TANGO6: variants seen among roughly 807,000 people sequenced by gnomAD.
The protein encoded by TANGO6 is transport and Golgi organization protein 6 homolog.
A neutral mutation model predicts 114.2 loss-of-function variants in TANGO6; 90 were observed. The ratio of observed to expected loss-of-function variants is 0.79; its 90% CI spans 0.66 to 0.94. The LOEUF is 0.94. Ranked by LOEUF, TANGO6 falls within the 40% of genes least tolerant of loss-of-function variation. The pLI is 0.00. For synonymous variants in TANGO6, 477 were observed against 509.8 expected, an observed-to-expected ratio of 0.94 and a Z score of 0.87; for missense variants, 1,274 against 1,315.3, an observed-to-expected ratio of 0.97 and a Z score of 0.49.
At chr16:69,064,895 G>T (rs1960189969) in intron 17 of TANGO6, among the ~76,000 whole-genome samples, 1 of 152,166 alleles carries the variant, frequency 6.6e-6, no homozygotes, top group South Asian at 2.1e-4. Flanking sequence ...GGAAATAGAA[G>T]TGTGGTGCCC....
intron 4 of TANGO6, among the ~76,000 whole-genome samples, chr16:68,869,571 A>G (rs1369459176): frequency 6.6e-6 from 1 of 152,006 alleles, no homozygotes; most frequent in Non-Finnish European, 1.5e-5. Flanking sequence ...GCTTTACTCA[A>G]TCCTGGTTAC....
At chr16:68,850,521 T>G (rs1023589190) in intron 1 of TANGO6, among the ~76,000 whole-genome samples, 13 of 152,210 alleles carry the variant, frequency 8.5e-5, no homozygotes, top group Non-Finnish European at 1.9e-4. Flanking sequence ...GGTTTTTGTT[T>G]GGTTTTTGTT....
At chr16:69,006,682 C>T (rs1300323456) in intron 15 of TANGO6, among the ~76,000 whole-genome samples, 16 of 152,118 alleles carry the variant, frequency 1.1e-4, no homozygotes, top group African/African-American at 2.9e-4. Flanking sequence ...ACCTGGAAGG[C>T]GGTGGTTGCA....
chr16:68,976,870 ATATCAGCAC>A (rs1963769796), intron 15 of TANGO6, among the ~76,000 whole-genome samples: 1 of 152,176 alleles, frequency 6.6e-6, no homozygotes, highest in African/African-American at 2.4e-5. Flanking sequence ...TCTTTAAGTT[ATATCAGCAC>A]TTCTTAGGTA....
At chr16:69,074,305 G>A (rs1040971076) in intron 17 of TANGO6, among the ~76,000 whole-genome samples, 34 of 151,742 alleles carry the variant, frequency 2.2e-4, no homozygotes, top group African/African-American at 8.2e-4. Context: ...TACAGAAAAG[G>A]AGTCCCGATC....
In TANGO6 at chr16:68,969,901, G is replaced by T. The variant is rs539547987; in HGVS notation, c.2702-4127G>T. Among the ~76,000 whole-genome samples the T allele has an allele frequency of 3.3e-5, 5 of 152,226 alleles. No individual in the cohort carries two copies. In the East Asian group the frequency reaches 9.7e-4, roughly 29 times the overall value. On this transcript the variant is annotated intron_variant, in intron 14 of 17. Transcript: ENST00000261778. ...TCTTCTTCTCCCTCCCTCTCAGGCT[G>T]GCTCTCCCTCTGTGTTGGTGTCATT...
chr16:68,953,050 T>TTTTATTA (rs1555525236), intron 14 of TANGO6, among the ~76,000 whole-genome samples: 3 of 139,214 alleles, frequency 2.2e-5, no homozygotes, highest in Admixed American at 7.3e-5. Context: ...ACAGGTATTT[T>TTTTATTA]TTATTATTAT....
At chr16:69,021,225 C>T (rs1238865827) in intron 15 of TANGO6, among the ~76,000 whole-genome samples, 1 of 152,144 alleles carries the variant, frequency 6.6e-6, no homozygotes. Context: ...CCTTACTTCT[C>T]TAGCCTCATC....
At chr16:68,991,782 G>A (rs1488655896) in intron 15 of TANGO6, among the ~76,000 whole-genome samples, 1 of 152,158 alleles carries the variant, frequency 6.6e-6, no homozygotes, top group East Asian at 1.9e-4. Flanking sequence ...CCAAGATCGT[G>A]CCACTGCACT....
chr16:68,905,343 C>G (rs567929462), intron 9 of TANGO6, among the ~76,000 whole-genome samples: 2 of 152,042 alleles, frequency 1.3e-5, no homozygotes, highest in Admixed American at 1.3e-4. Flanking sequence ...TGAGACCAGC[C>G]TGGCCAACAT....
At chr16:68,990,783 A>T (rs1479165033) in intron 15 of TANGO6, among the ~76,000 whole-genome samples, 1 of 152,202 alleles carries the variant, frequency 6.6e-6, no homozygotes, top group Non-Finnish European at 1.5e-5. Flanking sequence ...TCATGAAAGG[A>T]TACATATGCT....
chr16:68,964,543 A>C (rs938484767), intron 14 of TANGO6, among the ~76,000 whole-genome samples: 1 of 151,218 alleles, frequency 6.6e-6, no homozygotes, highest in African/African-American at 2.4e-5. Flanking sequence ...ATTTCATGAC[A>C]GTTATTTAAA....
chr16:69,062,821 C>G (rs897578860), intron 17 of TANGO6, among the ~76,000 whole-genome samples: 2 of 147,928 alleles, frequency 1.4e-5, no homozygotes, highest in Admixed American at 6.8e-5. Context: ...ATCAGCCAGG[C>G]GCAGTGCCTC....
chr16:68,886,218 ATTT>A (rs796877466), intron 7 of TANGO6, among the ~76,000 whole-genome samples: 1 of 143,952 alleles, frequency 6.9e-6, no homozygotes. Context: ...CCCTTTGTCC[ATTT>A]TTTTTTTTTC....
intron 4 of TANGO6, among the ~76,000 whole-genome samples, chr16:68,868,197 A>G (rs956578053): frequency 2.0e-5 from 3 of 151,862 alleles, no homozygotes; most frequent in Non-Finnish European, 2.9e-5. Context: ...AGCCAGAAAT[A>G]CCTTTGAGAT....
At chr16:68,881,938 G>A (rs569963809) in intron 7 of TANGO6, among the ~76,000 whole-genome samples, 69 of 152,140 alleles carry the variant, frequency 4.5e-4, no homozygotes, top group Middle Eastern at 6.8e-3. Flanking sequence ...CTTGAGGCCA[G>A]GAGTTCAAGA....
chr16:68,939,172 TA>T (rs1345114018), intron 14 of TANGO6, among the ~76,000 whole-genome samples: 1 of 151,958 alleles, frequency 6.6e-6, no homozygotes. Context: ...ATTTAGTTTG[TA>T]AAATGCTTTT....
At chr16:69,073,090 T>C (rs1208343895) in intron 17 of TANGO6, among the ~76,000 whole-genome samples, 3 of 151,790 alleles carry the variant, frequency 2.0e-5, no homozygotes, top group Non-Finnish European at 2.9e-5. Flanking sequence ...AGCTCTAGAA[T>C]TTCTATATAT....
intron 15 of TANGO6, among the ~76,000 whole-genome samples, chr16:69,018,835 G>A (rs957977304): frequency 3.9e-5 from 6 of 152,094 alleles, no homozygotes; most frequent in Admixed American, 2.6e-4. Flanking sequence ...GTTGAGGCCC[G>A]GGAGGCGGAG....
Sources: allele counts gnomAD v4.1 joint callset (sites outside exome capture counted in the v4.1 genomes callset), GRCh38; gene constraint gnomAD v4.1.1; transcripts MANE v1.5; gene names NCBI Gene and HGNC (gene_info 2026-07-23, HGNC 2026-07-21).